GLIS3: variants seen among roughly 807,000 people sequenced by gnomAD.
GLIS3 encodes zinc finger protein GLIS3.
A neutral mutation model predicts 78.6 loss-of-function variants in GLIS3; 53 were observed. The ratio of observed to expected loss-of-function variants is 0.67; its 90% CI spans 0.54 to 0.85. The LOEUF (loss-of-function observed/expected upper bound fraction) is 0.85. Ranked by LOEUF, GLIS3 falls within the 40% of genes least tolerant of loss-of-function variation. The pLI is 0.00. For missense variants in GLIS3, 1,703 were observed against 1,231.1 expected (o/e 1.38, Z -5.74); for synonymous variants, 684 against 509.9 (o/e 1.34, Z -4.60).
At chr9:4,330,602 G>T (rs1260220627) in intron 2 of GLIS3, among the ~76,000 whole-genome samples, 1 of 148,902 alleles carries the variant, frequency 6.7e-6, no homozygotes, top group Non-Finnish European at 1.5e-5. Context: ...GGATGGAGAT[G>T]AGGAGAGGTG....
the GLIS3 span, among the ~76,000 whole-genome samples, chr9:4,382,884 C>G: frequency 6.6e-6 from 1 of 152,202 alleles, no homozygotes; most frequent in Non-Finnish European, 1.5e-5. Flanking sequence ...GGAAGACCAG[C>G]TGGTGTCACT....
At chr9:3,844,820 T>C (rs1240181842) in intron 9 of GLIS3, among the ~76,000 whole-genome samples, 1 of 152,196 alleles carries the variant, frequency 6.6e-6, no homozygotes, top group East Asian at 1.9e-4. Context: ...AAAAAGATGC[T>C]CAATTACATT....
At chr9:4,049,013 C>T (rs901946111) in intron 4 of GLIS3, among the ~76,000 whole-genome samples, 1 of 152,140 alleles carries the variant, frequency 6.6e-6, no homozygotes, top group African/African-American at 2.4e-5. Flanking sequence ...GACTGAACAC[C>T]ATGGACATAC....
intron 4 of GLIS3, among the ~76,000 whole-genome samples, chr9:3,968,961 C>A (rs544040607): frequency 6.6e-6 from 1 of 152,310 alleles, no homozygotes; most frequent in East Asian, 1.9e-4. Context: ...GGACAAGACA[C>A]CCTTTGCAAA....
intron 2 of GLIS3, among the ~76,000 whole-genome samples, chr9:4,335,538 G>T (rs1817743722): frequency 1.3e-5 from 2 of 152,166 alleles, no homozygotes; most frequent in Non-Finnish European, 2.9e-5. Flanking sequence ...GTGAAAAACA[G>T]GCAGAATTCA....
chr9:4,394,048 A>C, the GLIS3 span, among the ~76,000 whole-genome samples: 1 of 152,016 alleles, frequency 6.6e-6, no homozygotes, highest in African/African-American at 2.4e-5. Context: ...ACCCAGTTCC[A>C]TTAAAACCCA....
At chr9:4,259,192 GA>G (rs1455086868) in intron 2 of GLIS3, among the ~76,000 whole-genome samples, 1 of 152,102 alleles carries the variant, frequency 6.6e-6, no homozygotes, top group Non-Finnish European at 1.5e-5. Context: ...GTAATATGGA[GA>G]AACTTCAGAT....
chr9:4,260,189 T>C lies in GLIS3; in HGVS notation c.388+25849A>G, dbSNP rs142928076. 2.0e-5 allele frequency among the ~76,000 whole-genome samples: 3 copies of C among 152,184 alleles called. No individual in the cohort carries two copies. The East Asian group carries it at 5.8e-4, about 29-fold the overall frequency. Reference sequence around the variant, plus strand: ...CCCGATGGCCTGTAATCTTAGCACTTTGGGAGGCCGAGGCAGGCGGATCAC... The same window carrying C: ...CCCGATGGCCTGTAATCTTAGCACTCTGGGAGGCCGAGGCAGGCGGATCAC... On this transcript the variant is annotated intron_variant, in intron 2 of 10. Coordinates refer to ENST00000381971, the MANE Select transcript of GLIS3 (RefSeq NM_001042413.2).
chr9:4,451,414 C>G, the GLIS3 span, among the ~76,000 whole-genome samples: 24 of 152,176 alleles, frequency 1.6e-4, no homozygotes, highest in African/African-American at 5.8e-4. Context: ...TATTTAACAC[C>G]CCACTGTCAA....
At chr9:4,396,943 C>G in the GLIS3 span, among the ~76,000 whole-genome samples, 1 of 151,940 alleles carries the variant, frequency 6.6e-6, no homozygotes, top group African/African-American at 2.4e-5. Flanking sequence ...GCACTGTTAA[C>G]CTTTTCCTAA....
At chr9:4,405,972 T>A in the GLIS3 span, among the ~76,000 whole-genome samples, 1 of 152,218 alleles carries the variant, frequency 6.6e-6, no homozygotes, top group African/African-American at 2.4e-5. Context: ...ATCCATATGA[T>A]CATTTCAATG....
At chr9:3,875,300 A>C (rs1471331936) in intron 8 of GLIS3, among the ~76,000 whole-genome samples, 3 of 152,344 alleles carry the variant, frequency 2.0e-5, no homozygotes, top group South Asian at 2.1e-4. Context: ...TAATATTTCA[A>C]AATAAAAATG....
chr9:4,179,573 C>T (rs996822658), intron 2 of GLIS3, among the ~76,000 whole-genome samples: 1 of 152,112 alleles, frequency 6.6e-6, no homozygotes, highest in South Asian at 2.1e-4. Flanking sequence ...CACACTCTCC[C>T]ATAGACAGAA....
At chr9:4,003,028 T>C (rs879901362) in intron 4 of GLIS3, among the ~76,000 whole-genome samples, 4 of 152,170 alleles carry the variant, frequency 2.6e-5, no homozygotes, top group Non-Finnish European at 5.9e-5. Flanking sequence ...CACTGTAGTA[T>C]GGTTTGGTGT....
the GLIS3 span, among the ~76,000 whole-genome samples, chr9:4,466,984 ATCCCGCACCTGGCTCGGCGGG>A: frequency 6.6e-6 from 1 of 152,216 alleles, no homozygotes; most frequent in Admixed American, 6.5e-5. Context: ...AGAAGATTAT[ATCCCGCACCTGGCTCGGCGGG>A]TCCCATGCCC....
At chr9:4,213,367 C>G (rs1190184592) in intron 2 of GLIS3, among the ~76,000 whole-genome samples, 1 of 152,180 alleles carries the variant, frequency 6.6e-6, no homozygotes, top group Non-Finnish European at 1.5e-5. Flanking sequence ...ATATTCTTTA[C>G]ATAGCATATA....
intron 2 of GLIS3, among the ~76,000 whole-genome samples, chr9:4,168,726 A>T (rs1816104302): frequency 6.6e-6 from 1 of 152,296 alleles, no homozygotes; most frequent in East Asian, 1.9e-4. Flanking sequence ...AACAATGCCA[A>T]ATACTTTTCC....
the GLIS3 span, among the ~76,000 whole-genome samples, chr9:4,460,288 C>T: frequency 1.3e-5 from 2 of 152,146 alleles, no homozygotes; most frequent in African/African-American, 4.8e-5. Flanking sequence ...GGTTCTATCA[C>T]TTAATCTTTA....
the GLIS3 span, among the ~76,000 whole-genome samples, chr9:4,382,626 C>T: frequency 6.6e-6 from 1 of 152,102 alleles, no homozygotes; most frequent in African/African-American, 2.4e-5. Flanking sequence ...TCATCAGAAT[C>T]CTCAGAAAAA....
Sources: gnomAD v4.1 joint callset for allele counts (sites outside exome capture counted in the v4.1 genomes callset) on GRCh38, gnomAD v4.1.1 for gene constraint, MANE v1.5 for transcripts, NCBI Gene and HGNC (gene_info 2026-07-23, HGNC 2026-07-21) for gene names.